The following TTLL12 variants were observed in gnomAD, a reference collection of about 807,000 sequenced individuals.
TTLL12 encodes tubulin tyrosine ligase like 12.
In TTLL12, 77 loss-of-function variants were observed where a neutral mutation model predicts 79.6. The observed-to-expected ratio is 0.97, with a 90% CI of 0.81 to 1.17. TTLL12 has a LOEUF of 1.17. Ranked by LOEUF, TTLL12 falls within the 50% of genes most tolerant of loss-of-function variation. The probability of loss-of-function intolerance (pLI) is 0.00; values close to 1 mark genes in which losing one functional copy is unlikely to be tolerated. For synonymous variants in TTLL12, 437 were observed against 376.1 expected, an observed-to-expected ratio of 1.16 and a Z score of -1.87; for missense variants, 969 against 895.9, an observed-to-expected ratio of 1.08 and a Z score of -1.04.
At chr22:43,186,196 C>CCCT (rs1052676344) in intron 1 of TTLL12, among the ~76,000 whole-genome samples, 2 of 144,952 alleles carry the variant, frequency 1.4e-5, no homozygotes, top group Non-Finnish European at 3.1e-5. Context: ...AACACCCCCC[C>CCCT]CCCCGCCAGC....
At chr22:43,175,653 TTTA>T (rs1032884290) in intron 6 of TTLL12, 3 of 150,660 alleles carry the variant, frequency 2.0e-5, no homozygotes, top group African/African-American at 7.5e-5. Context: ...TATTCCTATT[TTTA>T]ACTTTCAAAG....
intron 1 of TTLL12, among the ~76,000 whole-genome samples, chr22:43,184,617 A>G (rs898307789): frequency 6.6e-6 from 1 of 152,366 alleles, no homozygotes; most frequent in Middle Eastern, 3.4e-3. Flanking sequence ...AGAGCCATCC[A>G]GTTCTCCTTT....
intron 1 of TTLL12, among the ~76,000 whole-genome samples, chr22:43,185,274 TATATATATATATATATATATATATA>T (rs1932153807): frequency 2.6e-5 from 1 of 38,328 alleles, no homozygotes; most frequent in Non-Finnish European, 7.0e-5. Flanking sequence ...TATATATATA[TATATATATATATATATATATATATA>T]TGTATGTATC....
intron 6 of TTLL12, 82 bp downstream of exon 6, chr22:43,176,238 C>T: frequency 9.4e-7 from 1 of 1,066,356 alleles, no homozygotes; most frequent in East Asian, 2.5e-5. Flanking sequence ...AAGCACTGTT[C>T]TGGGGCTGTG....
chr22:43,170,194 T>C (rs1931728611), intron 11 of TTLL12: 1 of 343,480 alleles, frequency 2.9e-6, no homozygotes, highest in Non-Finnish European at 5.7e-6. Context: ...AGGAGAGGAC[T>C]CCCGGGATGA....
chr22:43,173,571 C>A (rs1441796975), intron 9 of TTLL12, 144 bp downstream of exon 9: 2 of 696,428 alleles, frequency 2.9e-6, no homozygotes, highest in East Asian at 5.5e-5. Context: ...CCTCCACTTC[C>A]CAGAGTGCTG....
Position 43,187,055 on chromosome 22 carries a change from C to T in TTLL12, c.15G>A (p.Arg5=). The part of the protein sequence containing the change: MEAE[R]GPERRPAERS... ...GCTCCGCAGGCCGGCGCTCGGGACC[C>T]CGCTCGGCCTCCATGGCGCCAGCAC... is the stretch of plus-strand genomic sequence containing the variant. The change falls in exon 1 of 14, where the codon CGG becomes CGA. Residue 5 remains arginine, a synonymous_variant. Transcript: ENST00000216129. 8.4e-7 allele frequency: 1 copy of T among 1,185,896 alleles called. No homozygotes were observed. The highest frequency in any genetic ancestry group is 1.0e-6 in the Non-Finnish European group (1 of 958,900). 73.5% of individuals were successfully genotyped at this position (1,185,896 alleles called of 1,614,324 possible).
intron 11 of TTLL12, among the ~76,000 whole-genome samples, chr22:43,170,589 C>T (rs1437720695): frequency 1.3e-5 from 2 of 152,162 alleles, no homozygotes; most frequent in East Asian, 1.9e-4. Context: ...CAGAAGGATC[C>T]GTTGAATAAG....
At chr22:43,186,076 C>T (rs999735671) in intron 1 of TTLL12, 6 of 947,400 alleles carry the variant, frequency 6.3e-6, no homozygotes, top group African/African-American at 1.8e-5. Context: ...AGTTCCCGGC[C>T]CGGGTCCCTG....
intron 2 of TTLL12, among the ~76,000 whole-genome samples, chr22:43,182,623 A>G (rs1932086798): frequency 6.6e-6 from 1 of 152,192 alleles, no homozygotes; most frequent in South Asian, 2.1e-4. Flanking sequence ...CCAATTTAGC[A>G]GGACCAGAGA....
intron 1 of TTLL12, among the ~76,000 whole-genome samples, chr22:43,184,416 G>C (rs986835913): frequency 1.9e-4 from 29 of 152,222 alleles, no homozygotes; most frequent in African/African-American, 7.0e-4. Flanking sequence ...GGAGGGCCTG[G>C]GAAGACTTTA....
Position 43,179,881 on chromosome 22 carries a change from G to C in TTLL12, c.666C>G (p.Ala222=). ...CCCTCAGGGGCCACAGCAGCGTGTA[G>C]GCCACCTGCTGCGGCATGTAGAAGA... ...APFFYMPQQV[A]YTLLWPLRDL... Residue 222 remains alanine (A), a synonymous_variant, in exon 4 of 14, where the codon GCC becomes GCG. Coordinates refer to ENST00000216129, the MANE Select transcript of TTLL12 (RefSeq NM_015140.4). 6.2e-7 allele frequency: 1 copy of C among 1,610,082 alleles called. No homozygotes were observed.
chr22:43,184,648 G>T (rs754761960), intron 1 of TTLL12, among the ~76,000 whole-genome samples: 11 of 152,364 alleles, frequency 7.2e-5, no homozygotes, highest in Non-Finnish European at 1.3e-4. Context: ...GTGGGTCTGG[G>T]GAGGCTACTG....
rs183993847 is a variant in TTLL12, at chr22:43,168,382, C to T, written c.1784-223G>A. Among the ~76,000 whole-genome samples, 1,470 of 151,850 alleles carry T rather than the reference C, an allele frequency of 9.7e-3. 21 individuals are homozygous for T. The highest frequency in any genetic ancestry group is 0.012 in the Non-Finnish European group (789 of 67,938). Reference sequence around the variant, plus strand: ...AGGAGAGGCCAGGGCTGCCTCCAGCCCTAGGGATGACAGCCTGGCCCTTTA... The same window carrying T: ...AGGAGAGGCCAGGGCTGCCTCCAGCTCTAGGGATGACAGCCTGGCCCTTTA... On this transcript the variant is annotated intron_variant, in intron 13 of 13. Transcript: ENST00000216129.
chr22:43,172,408 G>A lies in TTLL12; in HGVS notation c.1488C>T (p.Ser496=). ...FVYDVFWLRF[S]NRAFALNDLD... Reference sequence around the variant, plus strand: ...CCAGCCGGCCCTCCACTTACCGGTTGGAGAACCGCAGCCAGAACACATCAT... The same window carrying A: ...CCAGCCGGCCCTCCACTTACCGGTTAGAGAACCGCAGCCAGAACACATCAT... The change falls in exon 10 of 14, where the codon TCC becomes TCT. Residue 496 remains serine (S), a synonymous_variant. Coordinates refer to ENST00000216129, the MANE Select transcript of TTLL12 (RefSeq NM_015140.4). 1.2e-6 allele frequency: 2 copies of A among 1,614,038 alleles called. No individual in the cohort carries two copies. Among genetic ancestry groups the A allele is most frequent in the East Asian group, 2.2e-5 (1 of 44,888 alleles).
chr22:43,169,429 A>G, intron 12 of TTLL12, 71 bp downstream of exon 12: 2 of 1,308,102 alleles, frequency 1.5e-6, no homozygotes, highest in Admixed American at 2.5e-5. Context: ...GAGGGAAGGG[A>G]GCAGCTCCTG....
chr22:43,174,191 G>A lies in TTLL12; in HGVS notation c.1229+18C>T, dbSNP rs965898050. The stretch of plus-strand genomic sequence containing the variant: ...GAAAAGGGCCATGGAGCACACCGAT[G>A]CCGTGTCTGGGACTTACCACCTTTC... On this transcript the variant is annotated intron_variant, in intron 8 of 13. Coordinates refer to ENST00000216129, the MANE Select transcript of TTLL12 (RefSeq NM_015140.4). 1.9e-6 allele frequency: 3 copies of A among 1,597,964 alleles called. No individual in the cohort carries two copies. Among genetic ancestry groups the A allele is most frequent in the East Asian group, 4.5e-5 (2 of 44,832 alleles).
chr22:43,182,853 G>T, intron 2 of TTLL12, 127 bp downstream of exon 2: 2 of 1,302,776 alleles, frequency 1.5e-6, no homozygotes, highest in Non-Finnish European at 2.1e-6. Flanking sequence ...GGCCACACGT[G>T]CTTGCCACAA....
chr22:43,171,567 C>T (rs73418077), intron 11 of TTLL12: 6,944 of 450,292 alleles, frequency 0.015, 431 homozygotes, highest in African/African-American at 0.13. Context: ...GACCCATCCC[C>T]CTCTGTGTCC....
Sources: allele counts gnomAD v4.1 joint callset (sites outside exome capture counted in the v4.1 genomes callset), GRCh38; gene constraint gnomAD v4.1.1; transcripts MANE v1.5; gene names NCBI Gene and HGNC (gene_info 2026-07-23, HGNC 2026-07-21).